Variants in CXCL12 observed in about 807,000 individuals in gnomAD.
CXCL12 encodes the protein C-X-C motif chemokine ligand 12, also known as stromal cell-derived factor 1.
Under a neutral mutation model 10.7 loss-of-function variants are expected in CXCL12, and 4 were observed. That is an observed-to-expected ratio of 0.37 (90% CI 0.18 to 0.86). CXCL12 has a LOEUF of 0.86. CXCL12 is among the 40% of genes least tolerant of loss of function. The probability of loss-of-function intolerance (pLI) is 0.43; values close to 1 mark genes in which losing one functional copy is unlikely to be tolerated. For synonymous variants in CXCL12, 54 were observed against 45.4 expected (o/e 1.19, Z -0.77); for missense variants, 122 against 110.4 (o/e 1.10, Z -0.47).
chr10:44,381,083 C>A (rs575722747), intron 1 of CXCL12, among the ~76,000 whole-genome samples: 7 of 152,324 alleles, frequency 4.6e-5, no homozygotes, highest in Non-Finnish European at 7.3e-5. Context: ...TCAGCTTCTA[C>A]AGGGCAAGGA....
intron 2 of CXCL12, among the ~76,000 whole-genome samples, 156 bp from the exon 3 acceptor site, chr10:44,378,879 G>T (rs1283279715): frequency 1.3e-5 from 2 of 152,214 alleles, no homozygotes; most frequent in Non-Finnish European, 2.9e-5. Flanking sequence ...CGGTGTGCTG[G>T]GGAAAGCTCA....
At chr10:44,376,331 G>A (rs927734964), downstream of CXCL12, among the ~76,000 whole-genome samples, 8 of 152,216 alleles carry the variant, frequency 5.3e-5, no homozygotes, top group African/African-American at 1.9e-4. Context: ...ACATCTCAGG[G>A]TACACCCAGG....
chr10:44,371,440 T>C (rs1839310462), downstream of CXCL12: 1 of 394,378 alleles, frequency 2.5e-6, no homozygotes, highest in Admixed American at 3.2e-5. Flanking sequence ...ATTATACTGG[T>C]ATAGTGAGAG....
chr10:44,378,759 C>A, intron 2 of CXCL12, 36 bp from the exon 3 acceptor site: 1 of 1,608,184 alleles, frequency 6.2e-7, no homozygotes, highest in African/African-American at 1.3e-5. Context: ...TGCGGCTGCA[C>A]AGGAGGAAGG....
At position 44,380,960 on chromosome 10, in the gene CXCL12, G is replaced by A; in HGVS notation, c.62-80C>T. On this transcript the variant is annotated intron_variant, in intron 1 of 2. Transcript: ENST00000343575. ...GTGTGTCTGGGCTGCAGCAGTTGGT[G>A]CAGCGATTAAGGATCAAGAGACGGC... The A allele has an allele frequency of 4.4e-6, 5 of 1,137,246 alleles. 1 individual carries two copies. The South Asian group carries it at 6.1e-5, about 14-fold the overall frequency. 70.4% of individuals were successfully genotyped at this position (1,137,246 alleles called of 1,614,324 possible).
downstream of CXCL12, among the ~76,000 whole-genome samples, chr10:44,373,802 G>A (rs1363107433): frequency 6.6e-6 from 1 of 152,228 alleles, no homozygotes; most frequent in Non-Finnish European, 1.5e-5. Context: ...TGCCACCGTA[G>A]GTGGCCCCAG....
Position 44,377,434 on chromosome 10 carries a change from C to A in CXCL12, c.*1199G>T. 4 of 1,129,166 alleles carry A rather than the reference C, an allele frequency of 3.5e-6. No individual in the cohort carries two copies. The highest frequency in any genetic ancestry group is 2.9e-5 in the South Asian group (1 of 34,308). The allele number at this position is 1,129,166 out of a possible 1,614,324, so 69.9% of individuals were successfully genotyped here. On this transcript the variant is annotated 3_prime_UTR_variant, in exon 3 of 3. Coordinates refer to ENST00000343575, the MANE Select transcript of CXCL12 (RefSeq NM_199168.4). ...GCACAAAAATATATATAAAAAAATG[C>A]CTTGCAAAAAGTTACAAATACCACC...
At chr10:44,375,733 T>C, downstream of CXCL12, 1 of 1,001,192 alleles carries the variant, frequency 1.0e-6, no homozygotes, top group Non-Finnish European at 1.4e-6. Flanking sequence ...AACTACTTTC[T>C]TCATAACTTA....
chr10:44,372,439 G>A (rs992774463), downstream of CXCL12: 4 of 204,036 alleles, frequency 2.0e-5, no homozygotes, highest in African/African-American at 7.0e-5. Flanking sequence ...CGGCTGCACA[G>A]GGGGAACAGT....
At chr10:44,382,692 C>G (rs149407406) in intron 1 of CXCL12, among the ~76,000 whole-genome samples, 2 of 152,088 alleles carry the variant, frequency 1.3e-5, no homozygotes, top group African/African-American at 2.4e-5. Flanking sequence ...CTCCTCTCCC[C>G]CTCCACCCCC....
downstream of CXCL12, chr10:44,375,851 C>T: frequency 6.3e-7 from 1 of 1,585,800 alleles, no homozygotes; most frequent in Non-Finnish European, 8.5e-7. Flanking sequence ...GCCCAGTCTG[C>T]ATGGGGGTCT....
chr10:44,370,179 G>A (rs1182658416), exon 4 of CXCL12: 1 of 152,204 alleles, frequency 6.6e-6, no homozygotes, highest in Non-Finnish European at 1.5e-5. Context: ...TTTGAGTACA[G>A]AACTTTATTA....
At chr10:44,374,598 T>TA (rs1291798314), downstream of CXCL12, 1 of 455,840 alleles carries the variant, frequency 2.2e-6, no homozygotes, top group Non-Finnish European at 4.4e-6. Context: ...TGAAGCATCC[T>TA]AGGACACCTC....
At chr10:44,372,503 T>C (rs759233008), downstream of CXCL12, 11 of 497,826 alleles carry the variant, frequency 2.2e-5, no homozygotes, top group Admixed American at 5.0e-5. Flanking sequence ...AACAAAAACA[T>C]AGGATTGGAC....
chr10:44,378,910 T>G (rs1474566072), intron 2 of CXCL12, among the ~76,000 whole-genome samples, 187 bp from the exon 3 acceptor site: 1 of 152,124 alleles, frequency 6.6e-6, no homozygotes. Flanking sequence ...TGCAGGAAGT[T>G]CCATTGCAGA....
chr10:44,376,520 A>G (rs1287249682), downstream of CXCL12, among the ~76,000 whole-genome samples: 1 of 152,230 alleles, frequency 6.6e-6, no homozygotes, highest in Non-Finnish European at 1.5e-5. Context: ...GAAGAGGAGA[A>G]AAAAGGCAGT....
chr10:44,384,955 G>A lies in CXCL12; in HGVS notation c.51C>T (p.Cys17=), dbSNP rs773263580. 17 of 1,435,332 alleles carry A rather than the reference G, an allele frequency of 1.2e-5. No homozygotes were observed. In the Admixed American group the frequency reaches 3.0e-4, roughly 26 times the overall value. The allele number at this position is 1,435,332 out of a possible 1,614,324, so 88.9% of individuals were successfully genotyped here. ...GCCGAGCGCACTTACCGTCGCTGAGGCAGAGCGCGGTCAGCACGAGGACCA... is the reference window on the plus strand; with the variant it reads ...GCCGAGCGCACTTACCGTCGCTGAGACAGAGCGCGGTCAGCACGAGGACCA... ...VVLVLVLTAL[C]LSDGKPVSLS... is the part of the protein sequence containing the mutation. The change falls in exon 1 of 3, where the codon TGC becomes TGT. Residue 17 remains cysteine (C), a synonymous_variant. Coordinates refer to ENST00000343575, the MANE Select transcript of CXCL12 (RefSeq NM_199168.4).
chr10:44,384,946 G>A lies in CXCL12; in HGVS notation c.60C>T (p.Asp20=), dbSNP rs768709186. ...GGCCTCCCCGCCGAGCGCACTTACCGTCGCTGAGGCAGAGCGCGGTCAGCA... is the reference window on the plus strand; with the variant it reads ...GGCCTCCCCGCCGAGCGCACTTACCATCGCTGAGGCAGAGCGCGGTCAGCA... ...VLVLTALCLS[D]GKPVSLSYRC... The change falls in exon 1 of 3, where the codon GAC becomes GAT. Residue 20 remains aspartate, a splice_region_variant and synonymous_variant. Coordinates refer to ENST00000343575, the MANE Select transcript of CXCL12 (RefSeq NM_199168.4). 3.3e-5 allele frequency: 51 copies of A among 1,557,510 alleles called. No individual in the cohort carries two copies. Among genetic ancestry groups the A allele is most frequent in the Non-Finnish European group, 4.0e-5 (47 of 1,162,972 alleles).
intron 2 of CXCL12, among the ~76,000 whole-genome samples, chr10:44,378,951 G>A (rs1317266294): frequency 5.3e-5 from 8 of 152,158 alleles, no homozygotes; most frequent in Non-Finnish European, 8.8e-5. Context: ...AGTCTTTCCG[G>A]GGCAGTGCAG....
Sources: allele counts gnomAD v4.1 joint callset (sites outside exome capture counted in the v4.1 genomes callset), GRCh38; gene constraint gnomAD v4.1.1; transcripts MANE v1.5; gene names NCBI Gene and HGNC (gene_info 2026-07-23, HGNC 2026-07-21).